Variants in OTUD7A observed in about 807,000 individuals in gnomAD.
The protein encoded by OTUD7A is OTU deubiquitinase 7A, also known as OTU domain-containing protein 7A.
A neutral mutation model predicts 65.7 loss-of-function variants in OTUD7A; 12 were observed. The observed-to-expected ratio is 0.18, with a 90% CI of 0.12 to 0.30. The LOEUF (loss-of-function observed/expected upper bound fraction) is 0.30. Ranked by LOEUF, OTUD7A falls within the 10% of genes least tolerant of loss-of-function variation. The probability of loss-of-function intolerance (pLI) is 1.00; values close to 1 mark genes in which losing one functional copy is unlikely to be tolerated. For missense variants in OTUD7A, 1,148 were observed against 1,304.8 expected, an observed-to-expected ratio of 0.88 and a Z score of 1.85; for synonymous variants, 641 against 586.3, an observed-to-expected ratio of 1.09 and a Z score of -1.35.
intron 5 of OTUD7A, chr15:31,558,120 A>AG (rs1339344473): frequency 6.6e-6 from 1 of 152,186 alleles, no homozygotes; most frequent in Non-Finnish European, 1.5e-5. Context: ...TCCCACTGGG[A>AG]GGGGCGTGGT....
At chr15:31,867,532 T>C (rs12324049) in intron 1 of OTUD7A, among the ~76,000 whole-genome samples, 3,461 of 152,278 alleles carry the variant, frequency 0.023, 135 homozygotes, top group African/African-American at 0.079. Flanking sequence ...TGGGAAGTAC[T>C]ACCACACAGG....
At chr15:31,822,765 G>A (rs953280941) in intron 1 of OTUD7A, among the ~76,000 whole-genome samples, 6 of 152,140 alleles carry the variant, frequency 3.9e-5, no homozygotes, top group Admixed American at 3.3e-4. Flanking sequence ...AGGACCAAGA[G>A]GGCAAATCAC....
chr15:31,802,828 A>T lies in OTUD7A; in HGVS notation c.-100+67679T>A, dbSNP rs995255631. ...ATTACCATCTCTTTGATATAAAAATACTACAAGGACTACTTCAGGTCAAAT... is the reference window on the plus strand; with the variant it reads ...ATTACCATCTCTTTGATATAAAAATTCTACAAGGACTACTTCAGGTCAAAT... On this transcript the variant is annotated intron_variant, in intron 1 of 12. Coordinates refer to ENST00000307050, the MANE Select transcript of OTUD7A (RefSeq NM_001382637.1). Among the ~76,000 whole-genome samples, 9 of 152,334 alleles carry T rather than the reference A, an allele frequency of 5.9e-5. No homozygotes were observed. In the East Asian group the frequency reaches 1.7e-3, roughly 29 times the overall value.
At chr15:31,703,878 A>G (rs1320397274) in intron 1 of OTUD7A, among the ~76,000 whole-genome samples, 2 of 150,318 alleles carry the variant, frequency 1.3e-5, no homozygotes, top group African/African-American at 4.8e-5. Flanking sequence ...AATACTACTC[A>G]GTAAGGAAAA....
intron 3 of OTUD7A, among the ~76,000 whole-genome samples, chr15:31,627,081 G>T (rs1323693301): frequency 2.6e-5 from 4 of 151,806 alleles, no homozygotes; most frequent in African/African-American, 9.7e-5. Flanking sequence ...GGTGGCTATG[G>T]CAACTTCTTT....
At chr15:31,807,626 G>A (rs1896304261) in intron 1 of OTUD7A, among the ~76,000 whole-genome samples, 1 of 152,072 alleles carries the variant, frequency 6.6e-6, no homozygotes, top group Non-Finnish European at 1.5e-5. Flanking sequence ...TGGGTTAAGG[G>A]TCCCTGCCTA....
At chr15:31,789,706 C>CTTT (rs11354353) in intron 1 of OTUD7A, among the ~76,000 whole-genome samples, 1 of 105,874 alleles carries the variant, frequency 9.4e-6, no homozygotes, top group African/African-American at 3.3e-5. Context: ...CAATGCTGCC[C>CTTT]TTTTTTTTTT....
At chr15:31,779,165 A>C (rs1005252725) in intron 1 of OTUD7A, among the ~76,000 whole-genome samples, 4 of 152,116 alleles carry the variant, frequency 2.6e-5, no homozygotes, top group Admixed American at 2.0e-4. Context: ...TCCATTCCTC[A>C]CCCAGGTGCC....
intron 8 of OTUD7A, among the ~76,000 whole-genome samples, chr15:31,509,726 A>C (rs1383461637): frequency 1.3e-5 from 2 of 151,972 alleles, no homozygotes; most frequent in Non-Finnish European, 2.9e-5. Context: ...ATAGTTTTAC[A>C]TTTAGGAGGC....
chr15:31,504,149 T>C (rs2041519710), intron 8 of OTUD7A, among the ~76,000 whole-genome samples: 1 of 152,138 alleles, frequency 6.6e-6, no homozygotes, highest in African/African-American at 2.4e-5. Flanking sequence ...ATTGGCTTTC[T>C]GGGGGTGTTT....
At chr15:31,742,771 G>A (rs1029847175) in intron 1 of OTUD7A, among the ~76,000 whole-genome samples, 1 of 151,922 alleles carries the variant, frequency 6.6e-6, no homozygotes, top group African/African-American at 2.4e-5. Context: ...AATGAAAAGG[G>A]GTTAAAAATA....
intron 3 of OTUD7A, among the ~76,000 whole-genome samples, chr15:31,607,544 A>G (rs1195969732): frequency 1.8e-4 from 28 of 152,222 alleles, no homozygotes; most frequent in Admixed American, 1.8e-3. Flanking sequence ...CAAAATCTTA[A>G]TATATAATAT....
At chr15:31,862,827 G>A (rs568142215) in intron 1 of OTUD7A, among the ~76,000 whole-genome samples, 1 of 152,222 alleles carries the variant, frequency 6.6e-6, no homozygotes, top group South Asian at 2.1e-4. Flanking sequence ...GTCCCTGAAA[G>A]TCTTAACTCA....
At chr15:31,808,098 A>AAC (rs55911531) in intron 1 of OTUD7A, among the ~76,000 whole-genome samples, 6,257 of 95,830 alleles carry the variant, frequency 0.065, 409 homozygotes, top group African/African-American at 0.19. Flanking sequence ...ACAAATGCCA[A>AAC]ACACACACAC....
At position 31,511,676 on chromosome 15, in the gene OTUD7A, C is replaced by CACACACATATATGTATATCTATATGTA. The variant is rs1390107408; in HGVS notation, c.894-7885_894-7859dup. ...CACATATATGTATATCTATATGTAA[C>CACACACATATATGTATATCTATATGTA]ACACACATATATGTATATCTATATG... On this transcript the variant is annotated intron_variant, in intron 8 of 12. Coordinates refer to ENST00000307050, the MANE Select transcript of OTUD7A (RefSeq NM_001382637.1). Among the ~76,000 whole-genome samples, 43 of 106,040 alleles carry CACACACATATATGTATATCTATATGTA rather than the reference C, an allele frequency of 4.1e-4. 11 individuals are homozygous for CACACACATATATGTATATCTATATGTA. The highest frequency in any genetic ancestry group is 8.7e-4 in the South Asian group (3 of 3,448). The allele number at this position is 106,040 out of a possible 152,430, so 69.6% of individuals were successfully genotyped here.
At chr15:31,602,679 T>C (rs542338749) in intron 3 of OTUD7A, among the ~76,000 whole-genome samples, 1 of 152,306 alleles carries the variant, frequency 6.6e-6, no homozygotes, top group South Asian at 2.1e-4. Context: ...TGTTTGTAGA[T>C]AACATGATTG....
intron 8 of OTUD7A, among the ~76,000 whole-genome samples, chr15:31,509,099 G>C (rs2041632791): frequency 6.6e-6 from 1 of 151,956 alleles, no homozygotes; most frequent in Non-Finnish European, 1.5e-5. Context: ...CTGACTATAA[G>C]GTAAGGTTTT....
chr15:31,491,005 C>T (rs1468510267), intron 10 of OTUD7A, among the ~76,000 whole-genome samples: 2 of 152,164 alleles, frequency 1.3e-5, no homozygotes, highest in African/African-American at 4.8e-5. Context: ...CTCTGAAAAC[C>T]TAGCAAAAGG....
intron 1 of OTUD7A, among the ~76,000 whole-genome samples, chr15:31,838,178 G>T (rs1376188045): frequency 6.6e-6 from 1 of 152,210 alleles, no homozygotes; most frequent in Non-Finnish European, 1.5e-5. Context: ...AGAAGAAATT[G>T]TAGGAGAATA....
Sources: gnomAD v4.1 joint callset for allele counts (sites outside exome capture counted in the v4.1 genomes callset) on GRCh38, gnomAD v4.1.1 for gene constraint, MANE v1.5 for transcripts, NCBI Gene and HGNC (gene_info 2026-07-23, HGNC 2026-07-21) for gene names.